The following RRBP1 variants were observed in gnomAD, a reference collection of about 807,000 sequenced individuals.
The protein encoded by RRBP1 is ribosome binding protein 1.
In RRBP1, 94 loss-of-function variants were observed where a neutral mutation model predicts 165.2. That is an observed-to-expected ratio of 0.57 (90% confidence interval 0.48 to 0.68). RRBP1 has a LOEUF of 0.68. Among genes scored for constraint, RRBP1 ranks in the 30% least tolerant of loss-of-function variants. The pLI is 0.00. For synonymous variants in RRBP1, 680 were observed against 714.5 expected (o/e 0.95, Z 0.77); for missense variants, 1,676 against 1,763.0 (o/e 0.95, Z 0.88).
intron 5 of RRBP1, among the ~76,000 whole-genome samples, chr20:17,638,201 G>A (rs1188726971): frequency 5.3e-5 from 8 of 152,242 alleles, no homozygotes; most frequent in Admixed American, 3.9e-4. Context: ...GCAGACAGGT[G>A]TGGTAGAGAT....
chr20:17,661,456 A>G (rs1015602952), intron 2 of RRBP1, among the ~76,000 whole-genome samples: 11 of 152,340 alleles, frequency 7.2e-5, no homozygotes, highest in Admixed American at 7.2e-4. Context: ...AACACTCCCC[A>G]AACCATAAGA....
intron 13 of RRBP1, among the ~76,000 whole-genome samples, chr20:17,623,829 G>A (rs1191384466): frequency 6.6e-6 from 1 of 152,114 alleles, no homozygotes; most frequent in East Asian, 1.9e-4. Flanking sequence ...CTACTTGAGA[G>A]GGTGAGGCAG....
At chr20:17,634,414 C>G (rs1260576735) in intron 7 of RRBP1, among the ~76,000 whole-genome samples, 1 of 151,832 alleles carries the variant, frequency 6.6e-6, no homozygotes, top group African/African-American at 2.4e-5. Context: ...CTCGTCTGTA[C>G]CGGGGAGGCC....
At chr20:17,638,175 C>T (rs1172055516) in intron 5 of RRBP1, among the ~76,000 whole-genome samples, 2 of 152,218 alleles carry the variant, frequency 1.3e-5, no homozygotes, top group African/African-American at 2.4e-5. Flanking sequence ...CACGTGGCCC[C>T]ACCGGCCCAC....
At chr20:17,678,813 C>T (rs2037127484) in intron 2 of RRBP1, among the ~76,000 whole-genome samples, 1 of 152,174 alleles carries the variant, frequency 6.6e-6, no homozygotes, top group African/African-American at 2.4e-5. Flanking sequence ...CAGTTCTAGA[C>T]AGTAGCTTTT....
At position 17,620,356 on chromosome 20, in the gene RRBP1, C is replaced by T; in HGVS notation, c.3522G>A (p.Val1174=). The change falls in exon 18 of 25, where the codon GTG becomes GTA. Residue 1174 remains valine (V), a synonymous_variant. Transcript: ENST00000377813. ...TCTCTACAATCTCTTCGAGATGCTT[C>T]ACTGTGACCCGGGACTACAAAGCAA... ...EEELQKSRVT[V]KHLEEIVEKL... 1.2e-6 allele frequency: 2 copies of T among 1,613,832 alleles called. No individual in the cohort carries two copies. Among genetic ancestry groups the T allele is most frequent in the Non-Finnish European group, 1.7e-6 (2 of 1,179,874 alleles).
At chr20:17,652,431 G>A (rs929414023) in intron 3 of RRBP1, among the ~76,000 whole-genome samples, 1 of 152,110 alleles carries the variant, frequency 6.6e-6, no homozygotes, top group Non-Finnish European at 1.5e-5. Flanking sequence ...CCCTGCCCAA[G>A]TCAAGGCCTC....
At chr20:17,644,917 G>A (rs2036435742) in intron 3 of RRBP1, among the ~76,000 whole-genome samples, 1 of 152,356 alleles carries the variant, frequency 6.6e-6, no homozygotes. Context: ...GTTTCTTGCT[G>A]GCCTTTTTAA....
chr20:17,629,790 C>T, intron 9 of RRBP1, 33 bp downstream of exon 9: 1 of 1,581,978 alleles, frequency 6.3e-7, no homozygotes, highest in Non-Finnish European at 8.5e-7. Flanking sequence ...GCACCCTGCA[C>T]TGAACCCCCG....
In RRBP1 at chr20:17,624,714, C is replaced by T. The variant is rs550294115; in HGVS notation, c.3055-46G>A. On this transcript the variant is annotated intron_variant, in intron 12 of 24. Coordinates refer to ENST00000377813, the MANE Select transcript of RRBP1 (RefSeq NM_001365613.2). The stretch of plus-strand genomic sequence containing the variant: ...AGGTCAGCAGCCTGCACTGGCAGCA[C>T]GGGCTGCCTAAGCTGGTGTCAGACA... The T allele has an allele frequency of 3.2e-5, 44 of 1,385,522 alleles. No homozygotes were observed. The Middle Eastern group carries it at 7.9e-4, about 25-fold the overall frequency. The allele number at this position is 1,385,522 out of a possible 1,614,324, so 85.8% of individuals were successfully genotyped here.
At chr20:17,631,082 G>A (rs887593212) in intron 8 of RRBP1, among the ~76,000 whole-genome samples, 2 of 152,232 alleles carry the variant, frequency 1.3e-5, no homozygotes, top group African/African-American at 4.8e-5. Flanking sequence ...AGTGCTTTCT[G>A]CATTAGAACG....
intron 17 of RRBP1, 54 bp from the exon 18 acceptor site, chr20:17,620,424 T>A (rs1264591526): frequency 6.7e-7 from 1 of 1,495,978 alleles, no homozygotes; most frequent in African/African-American, 1.4e-5. Context: ...GGTGTCTCCT[T>A]CCGAGGCCAT....
Position 17,620,752 on chromosome 20 carries a change from C to T in RRBP1, c.3470G>A (p.Arg1157Lys). 6.2e-7 allele frequency: 1 copy of T among 1,607,186 alleles called. No homozygotes were observed. ...CTCCTCTGCGGCGCCCACCTTGGCC[C>T]TCCACACCTGCTCCTCCTCCTCCAC... ...KSVEEEEQVW[R>K]AKVGAAEEEL... Residue 1157 changes from arginine (R) to lysine (K), a missense_variant, in exon 17 of 25, where the codon AGG (arginine) becomes AAG (lysine). This residue lies in a region of RRBP1 where 1,184 missense variants were observed against 1,167.1 expected (regional missense o/e 1.01). Coordinates refer to ENST00000377813, the MANE Select transcript of RRBP1 (RefSeq NM_001365613.2).
intron 2 of RRBP1, among the ~76,000 whole-genome samples, chr20:17,666,599 A>G (rs1302522573): frequency 1.3e-5 from 2 of 152,214 alleles, no homozygotes; most frequent in African/African-American, 4.8e-5. Context: ...GCTGTGGAAA[A>G]AAAGACAGTA....
In RRBP1 at chr20:17,642,859, G is replaced by T. The variant is rs994418721; in HGVS notation, c.2061+120C>A. On this transcript the variant is annotated intron_variant, in intron 4 of 24. Coordinates refer to ENST00000377813, the MANE Select transcript of RRBP1 (RefSeq NM_001365613.2). The stretch of plus-strand genomic sequence containing the variant: ...CGATCCCTCGGGGTGGCAGAATTCT[G>T]CCAGGAAAGAGAAGTGGAGGCTGTC... 13 of 1,144,874 alleles carry T rather than the reference G, an allele frequency of 1.1e-5. No individual in the cohort carries two copies. The African/African-American group carries it at 1.8e-4, about 16-fold the overall frequency. 70.9% of individuals were successfully genotyped at this position (1,144,874 alleles called of 1,614,324 possible).
intron 6 of RRBP1, 41 bp downstream of exon 6, chr20:17,636,536 G>T (rs763071107): frequency 3.7e-6 from 6 of 1,600,038 alleles, no homozygotes; most frequent in Non-Finnish European, 5.1e-6. Context: ...CCTGGACTGG[G>T]TCCTGTCCCT....
chr20:17,633,360 G>T, intron 8 of RRBP1, 100 bp downstream of exon 8: 1 of 1,299,848 alleles, frequency 7.7e-7, no homozygotes, highest in Non-Finnish European at 1.1e-6. Context: ...CTAGAAACGG[G>T]TGCCCAGTGT....
At chr20:17,657,303 G>C (rs1406679134) in intron 3 of RRBP1, among the ~76,000 whole-genome samples, 1 of 152,208 alleles carries the variant, frequency 6.6e-6, no homozygotes, top group Non-Finnish European at 1.5e-5. Context: ...GCCTACAGCC[G>C]CTCACAGGGG....
rs1027552411 is a variant in RRBP1 at position 17,679,300 on chromosome 20, A to T, written c.-22+699T>A. Among the ~76,000 whole-genome samples, 4 of 152,382 alleles carry T rather than the reference A, an allele frequency of 2.6e-5. No homozygotes were observed. The East Asian group carries it at 5.8e-4, about 22-fold the overall frequency. On this transcript the variant is annotated intron_variant, in intron 2 of 24. Coordinates refer to ENST00000377813, the MANE Select transcript of RRBP1 (RefSeq NM_001365613.2). ...GACAGCTGGGAATAGTTTAACAGGT[A>T]TGGGGGCGCTGTCCGCCTGGTATAA...
Sources: gnomAD v4.1 joint callset for allele counts (sites outside exome capture counted in the v4.1 genomes callset) on GRCh38, gnomAD v4.1.1 for gene constraint, gnomAD v4.1.1 regional missense constraint, MANE v1.5 for transcripts, NCBI Gene and HGNC (gene_info 2026-07-23, HGNC 2026-07-21) for gene names.